SMAP2: variants seen among roughly 807,000 people sequenced by gnomAD.
The protein encoded by SMAP2 is stromal membrane-associated protein 2.
Under a neutral mutation model 56.4 loss-of-function variants are expected in SMAP2, and 25 were observed. That is an observed-to-expected ratio of 0.44 (90% CI 0.32 to 0.62). SMAP2 has a LOEUF of 0.62. Ranked by LOEUF, SMAP2 falls within the 20% of genes least tolerant of loss-of-function variation. The pLI is 0.04. For missense variants in SMAP2, 388 were observed against 545.6 expected, an observed-to-expected ratio of 0.71 and a Z score of 2.88; for synonymous variants, 157 against 181.7, an observed-to-expected ratio of 0.86 and a Z score of 1.09.
chr1:40,384,557 C>T (rs2124243729), intron 1 of SMAP2, among the ~76,000 whole-genome samples: 1 of 152,256 alleles, frequency 6.6e-6, no homozygotes, highest in South Asian at 2.1e-4. Flanking sequence ...CATTTGGGCC[C>T]TTGCTATATT....
chr1:40,416,133 A>G (rs1365765680), intron 7 of SMAP2, 43 bp from the exon 8 acceptor site: 7 of 1,583,686 alleles, frequency 4.4e-6, no homozygotes, highest in Non-Finnish European at 6.0e-6. Flanking sequence ...AGAGACCCCC[A>G]TGAGAACCAT....
chr1:40,361,273 A>C (rs1035719214), intron 1 of SMAP2, among the ~76,000 whole-genome samples: 1 of 151,852 alleles, frequency 6.6e-6, no homozygotes, highest in African/African-American at 2.4e-5. Context: ...GAAGGGAAGA[A>C]CCCAGTCCTG....
At chr1:40,345,086 T>C (rs1644380061) in intron 1 of SMAP2, among the ~76,000 whole-genome samples, 1 of 152,134 alleles carries the variant, frequency 6.6e-6, no homozygotes, top group Non-Finnish European at 1.5e-5. Context: ...TTATTTGCTT[T>C]TATTTTTTGT....
intron 1 of SMAP2, chr1:40,345,006 A>G (rs1644379765): frequency 6.9e-6 from 1 of 144,716 alleles, no homozygotes; most frequent in Non-Finnish European, 1.5e-5. Flanking sequence ...TTCTTTCATC[A>G]GGTGTAGTTG....
intron 2 of SMAP2, among the ~76,000 whole-genome samples, chr1:40,363,999 A>C (rs1242584910): frequency 6.6e-6 from 1 of 152,226 alleles, no homozygotes; most frequent in Non-Finnish European, 1.5e-5. Flanking sequence ...ATAGTAAAAC[A>C]GGGAGCATAA....
At chr1:40,392,247 G>A (rs1450503296) in intron 1 of SMAP2, among the ~76,000 whole-genome samples, 1 of 152,132 alleles carries the variant, frequency 6.6e-6, no homozygotes, top group African/African-American at 2.4e-5. Context: ...TTCTGCACTT[G>A]GTCGGGTGCA....
At chr1:40,398,507 A>C (rs1374526866) in intron 1 of SMAP2, among the ~76,000 whole-genome samples, 1 of 152,186 alleles carries the variant, frequency 6.6e-6, no homozygotes, top group Non-Finnish European at 1.5e-5. Context: ...AGGCTCCAAA[A>C]TTTTTCCCCG....
At position 40,352,125 on chromosome 1, in the gene SMAP2, A is replaced by G. The variant is rs142756743; in HGVS notation, c.-83+7215A>G. Among the ~76,000 whole-genome samples the G allele has an allele frequency of 4.5e-4, 68 of 152,330 alleles. 2 individuals are homozygous for G. The East Asian group carries it at 0.01, about 22-fold the overall frequency. ...GCAGAGCAGCTCCATGAAATTTTTC[A>G]TACAATTTCAGGGGGTTGATATTAT... On this transcript the variant is annotated intron_variant, in intron 1 of 6. Transcript: ENST00000435168.
intron 1 of SMAP2, among the ~76,000 whole-genome samples, chr1:40,400,432 T>C (rs1644820941): frequency 6.6e-6 from 1 of 152,154 alleles, no homozygotes; most frequent in Non-Finnish European, 1.5e-5. Flanking sequence ...GAGAAGAGAA[T>C]GTAAAAGTGG....
chr1:40,374,152 G>T lies in SMAP2; in HGVS notation c.32G>T (p.Arg11Leu). 1.9e-6 allele frequency: 3 copies of T among 1,613,634 alleles called. No individual in the cohort carries two copies. The highest frequency in any genetic ancestry group is 2.2e-5 in the South Asian group (2 of 90,960). Residue 11 changes from arginine (R) to leucine (L), a missense_variant, in exon 1 of 10, where the codon CGG (arginine) becomes CTG (leucine). By Grantham distance (102) the Arg-to-Leu change is moderately radical. Transcript: ENST00000372718. The surrounding 1 kb of genome is among the most constrained non-coding windows in gnomAD (Gnocchi z 5.9). Reference protein sequence around the residue: MTGKSVKDVDRYQAVLANLLL... With the variant: MTGKSVKDVDLYQAVLANLLL... ...GGCAAGTCGGTGAAGGACGTGGATCGGTACCAGGCTGTCCTGGCCAACCTG... is the reference window on the plus strand; with the variant it reads ...GGCAAGTCGGTGAAGGACGTGGATCTGTACCAGGCTGTCCTGGCCAACCTG...
At chr1:40,388,487 G>C (rs1193967615) in intron 1 of SMAP2, among the ~76,000 whole-genome samples, 4 of 152,178 alleles carry the variant, frequency 2.6e-5, no homozygotes, top group Non-Finnish European at 5.9e-5. Flanking sequence ...ACTCTGGTGG[G>C]GACTTGGAGA....
chr1:40,358,265 G>T (rs191254067), intron 1 of SMAP2, among the ~76,000 whole-genome samples: 1 of 152,026 alleles, frequency 6.6e-6, no homozygotes, highest in Admixed American at 6.5e-5. Context: ...ATTTTTGGCC[G>T]GGTGCAGTGG....
chr1:40,413,397 T>G (rs939739578), intron 5 of SMAP2, among the ~76,000 whole-genome samples: 2 of 152,256 alleles, frequency 1.3e-5, no homozygotes, highest in South Asian at 4.1e-4. Flanking sequence ...AGGGACACCA[T>G]CTGAGCAGAT....
Position 40,416,652 on chromosome 1 carries a change from T to G in SMAP2, c.848-128T>G, listed in dbSNP as rs1006423564. The G allele has an allele frequency of 1.7e-5, 17 of 993,658 alleles. No individual in the cohort carries two copies. In the Admixed American group the frequency reaches 4.2e-4, roughly 25 times the overall value. 61.6% of individuals were successfully genotyped at this position (993,658 alleles called of 1,614,324 possible). A position where few individuals can be genotyped will look rare whatever the true frequency, so the allele number is the denominator to read the frequency against. ...CTCGTAGGGACTCTAACTACTTTGC[T>G]GTGTAAAGAGCATTGTGAGTAGAGT... On this transcript the variant is annotated intron_variant, in intron 8 of 9. Transcript: ENST00000372718.
chr1:40,387,759 G>A (rs2124258486), intron 1 of SMAP2, among the ~76,000 whole-genome samples: 1 of 152,284 alleles, frequency 6.6e-6, no homozygotes, highest in Middle Eastern at 3.4e-3. Flanking sequence ...GGCCGCACTT[G>A]AGGAGCCCTT....
At chr1:40,371,297 T>G (rs1644495375), upstream of SMAP2, among the ~76,000 whole-genome samples, 1 of 151,670 alleles carries the variant, frequency 6.6e-6, no homozygotes, top group Non-Finnish European at 1.5e-5. Context: ...AAAAAAAAAA[T>G]GTGTACTTGG....
At chr1:40,365,814 C>T (rs1013997492) in intron 2 of SMAP2, among the ~76,000 whole-genome samples, 8 of 151,960 alleles carry the variant, frequency 5.3e-5, no homozygotes, top group Non-Finnish European at 8.8e-5. Context: ...TCCAAAGGAA[C>T]GCAGCTCCTC....
chr1:40,354,871 C>T (rs1644427231), intron 1 of SMAP2, among the ~76,000 whole-genome samples: 1 of 146,568 alleles, frequency 6.8e-6, no homozygotes, highest in Admixed American at 7.0e-5. Flanking sequence ...CCAACCTCCA[C>T]CTCCCGGGTT....
At chr1:40,420,354 G>C (rs1434841522) in intron 9 of SMAP2, among the ~76,000 whole-genome samples, 1 of 152,160 alleles carries the variant, frequency 6.6e-6, no homozygotes, top group Non-Finnish European at 1.5e-5. Context: ...AACTTCCAGT[G>C]GCTCTGACTG....
Sources: gnomAD v4.1 joint callset for allele counts (sites outside exome capture counted in the v4.1 genomes callset) on GRCh38, gnomAD v4.1.1 for gene constraint, Gnocchi (gnomAD v3.1) non-coding constraint, MANE v1.5 for transcripts, NCBI Gene and HGNC (gene_info 2026-07-23, HGNC 2026-07-21) for gene names.